B4GALT1: variants seen among roughly 807,000 people sequenced by gnomAD.
B4GALT1 encodes the protein N-acetyllactosamine synthase.
B4GALT1 carries 16 observed loss-of-function variants against 34.9 expected under a neutral mutation model. The ratio of observed to expected loss-of-function variants is 0.46; its 90% CI spans 0.31 to 0.70. The LOEUF is 0.70. Among genes scored for constraint, B4GALT1 ranks in the 30% least tolerant of loss-of-function variants. The probability of loss-of-function intolerance (pLI) is 0.05; values close to 1 mark genes in which losing one functional copy is unlikely to be tolerated. For missense variants in B4GALT1, 445 were observed against 530.5 expected, an observed-to-expected ratio of 0.84 and a Z score of 1.58; for synonymous variants, 221 against 218.1, an observed-to-expected ratio of 1.01 and a Z score of -0.12.
At chr9:33,128,513 G>A (rs919965739) in intron 2 of B4GALT1, among the ~76,000 whole-genome samples, 2 of 152,232 alleles carry the variant, frequency 1.3e-5, no homozygotes, top group African/African-American at 2.4e-5. Flanking sequence ...ACTAGGTGGG[G>A]CACACAGCAA....
rs934337448 is a variant in B4GALT1 at position 33,112,300 on chromosome 9, G to C, written c.*1154C>G. 1 of 152,328 alleles carries C rather than the reference G, an allele frequency of 6.6e-6. No individual in the cohort carries two copies. 9.4% of individuals were successfully genotyped at this position (152,328 alleles called of 1,614,324 possible). A position where few individuals can be genotyped will look rare whatever the true frequency, so the allele number is the denominator to read the frequency against. ...TAGGGGCCTGAGGGGTCAGTCTAAG[G>C]AGGCTGAGGCTCCCTCCGCCCTGCC... On this transcript the variant is annotated 3_prime_UTR_variant, in exon 6 of 6. Coordinates refer to ENST00000379731, the MANE Select transcript of B4GALT1 (RefSeq NM_001497.4).
At chr9:33,122,623 G>A (rs1455298166) in intron 2 of B4GALT1, among the ~76,000 whole-genome samples, 2 of 152,198 alleles carry the variant, frequency 1.3e-5, no homozygotes, top group Non-Finnish European at 2.9e-5. Context: ...CTCAGGTGGG[G>A]AACTTGGGGA....
Position 33,152,334 on chromosome 9 carries a change from CAT to C in B4GALT1, c.412+14422_412+14423del, listed in dbSNP as rs796986148. On this transcript the variant is annotated intron_variant, in intron 1 of 5. Coordinates refer to ENST00000379731, the MANE Select transcript of B4GALT1 (RefSeq NM_001497.4). ...AATAACATAACATAACATAACATAA[CAT>C]AACATAACATAACATAACATAACAT... is the stretch of plus-strand genomic sequence containing the variant. Among the ~76,000 whole-genome samples, 60 of 117,216 alleles carry C rather than the reference CAT, an allele frequency of 5.1e-4. 1 individual carries two copies. In the East Asian group the frequency reaches 0.023, roughly 44 times the overall value. The allele number at this position is 117,216 out of a possible 152,430, so 76.9% of individuals were successfully genotyped here.
At chr9:33,120,819 T>C (rs1423873641) in intron 2 of B4GALT1, among the ~76,000 whole-genome samples, 14 of 152,170 alleles carry the variant, frequency 9.2e-5, no homozygotes, top group Non-Finnish European at 2.1e-4. Flanking sequence ...CTTGCATGTG[T>C]GTGAATGACT....
At chr9:33,125,398 C>T (rs914207223) in intron 2 of B4GALT1, among the ~76,000 whole-genome samples, 1 of 152,166 alleles carries the variant, frequency 6.6e-6, no homozygotes, top group African/African-American at 2.4e-5. Flanking sequence ...TGTTAAGATA[C>T]TTAAGCTTTA....
chr9:33,117,000 G>C (rs1452075172), intron 3 of B4GALT1, among the ~76,000 whole-genome samples: 1 of 152,202 alleles, frequency 6.6e-6, no homozygotes, highest in African/African-American at 2.4e-5. Flanking sequence ...AAGCCAGTCA[G>C]TGACAAGAGC....
At position 33,167,250 on chromosome 9, in the gene B4GALT1, C is replaced by A. The variant is rs534982786; in HGVS notation, c.-81G>T. 9.7e-5 allele frequency: 139 copies of A among 1,425,702 alleles called. No homozygotes were observed. The highest frequency in any genetic ancestry group is 1.2e-4 in the Non-Finnish European group (130 of 1,093,548). 88.3% of individuals were successfully genotyped at this position (1,425,702 alleles called of 1,614,324 possible). ...CGCGGGCCGCCCGCCAGGCGCTGCC[C>A]CACAGCGGCGACTAGGGGAGGGCCC... On this transcript the variant is annotated 5_prime_UTR_variant, in exon 1 of 6. Coordinates refer to ENST00000379731, the MANE Select transcript of B4GALT1 (RefSeq NM_001497.4).
chr9:33,129,545 G>A (rs1034109468), intron 2 of B4GALT1, among the ~76,000 whole-genome samples: 4 of 152,238 alleles, frequency 2.6e-5, no homozygotes, highest in South Asian at 2.1e-4. Flanking sequence ...GAATCCTGGA[G>A]AGAAGCCCCG....
At chr9:33,125,620 T>A (rs981570346) in intron 2 of B4GALT1, among the ~76,000 whole-genome samples, 1 of 151,892 alleles carries the variant, frequency 6.6e-6, no homozygotes, top group Admixed American at 6.6e-5. Context: ...TCCCTGTGTA[T>A]GTGCACTACA....
chr9:33,147,637 C>T (rs1202416361), intron 1 of B4GALT1, among the ~76,000 whole-genome samples: 2 of 152,096 alleles, frequency 1.3e-5, no homozygotes, highest in African/African-American at 4.8e-5. Context: ...TTCAACTATA[C>T]CAGCATACCT....
intron 1 of B4GALT1, among the ~76,000 whole-genome samples, chr9:33,144,794 C>T (rs1276561475): frequency 6.6e-6 from 1 of 152,190 alleles, no homozygotes; most frequent in Non-Finnish European, 1.5e-5. Flanking sequence ...TGCCTGCTTC[C>T]TCCCTTAGAA....
chr9:33,114,739 A>G (rs975151814), intron 4 of B4GALT1, among the ~76,000 whole-genome samples: 6 of 152,238 alleles, frequency 3.9e-5, no homozygotes, highest in Non-Finnish European at 8.8e-5. Flanking sequence ...GTTAAGAGGC[A>G]GAACTGGCTG....
intron 1 of B4GALT1, among the ~76,000 whole-genome samples, chr9:33,136,299 G>A (rs1448196796): frequency 6.6e-6 from 1 of 152,158 alleles, no homozygotes; most frequent in Non-Finnish European, 1.5e-5. Context: ...ATTGTGGATT[G>A]TGAGGTAACG....
chr9:33,120,671 G>T, intron 2 of B4GALT1, 65 bp from the exon 3 acceptor site: 1 of 1,534,750 alleles, frequency 6.5e-7, no homozygotes. Flanking sequence ...CACTCACAGG[G>T]ACTGGTGACT....
At chr9:33,126,661 C>CCATTGTTAACCTTGTT (rs1564040681) in intron 2 of B4GALT1, among the ~76,000 whole-genome samples, 1 of 37,112 alleles carries the variant, frequency 2.7e-5, no homozygotes, top group African/African-American at 6.4e-5. Flanking sequence ...TTAACCATAG[C>CCATTGTTAACCTTGTT]AATATGGTAG....
At chr9:33,164,900 T>C (rs1840725418) in intron 1 of B4GALT1, among the ~76,000 whole-genome samples, 1 of 150,938 alleles carries the variant, frequency 6.6e-6, no homozygotes, top group Non-Finnish European at 1.5e-5. Context: ...TCTGAAAAAA[T>C]GAAACTTTTT....
At chr9:33,183,637 T>G in the B4GALT1 span, among the ~76,000 whole-genome samples, 10 of 56,206 alleles carry the variant, frequency 1.8e-4, no homozygotes, top group South Asian at 8.2e-4. Flanking sequence ...TGTTGTGGGG[T>G]GGGGGGAGGG....
At chr9:33,155,045 G>A (rs1194825619) in intron 1 of B4GALT1, among the ~76,000 whole-genome samples, 2 of 152,108 alleles carry the variant, frequency 1.3e-5, no homozygotes, top group African/African-American at 4.8e-5. Flanking sequence ...GGCCCTAATG[G>A]AGGCAGCACT....
At position 33,165,142 on chromosome 9, in the gene B4GALT1, T is replaced by C. The variant is rs117055009; in HGVS notation, c.412+1616A>G. Among the ~76,000 whole-genome samples the C allele has an allele frequency of 2.0e-5, 3 of 152,132 alleles. No homozygotes were observed. In the East Asian group the frequency reaches 5.8e-4, roughly 29 times the overall value. ...ACCCCTGGCTAACTTTTTTGTATTT[T>C]TGTAGAGATGGGATGGTGTTTCACC... On this transcript the variant is annotated intron_variant, in intron 1 of 5. Transcript: ENST00000379731.
Sources: allele counts gnomAD v4.1 joint callset (sites outside exome capture counted in the v4.1 genomes callset), GRCh38; gene constraint gnomAD v4.1.1; transcripts MANE v1.5; gene names NCBI Gene and HGNC (gene_info 2026-07-23, HGNC 2026-07-21).